GADL1: variants seen among roughly 807,000 people sequenced by gnomAD.
GADL1 encodes the protein GAD like acidic amino acid decarboxylase 1.
In GADL1, 71 loss-of-function variants were observed where a neutral mutation model predicts 69.5. That is an observed-to-expected ratio of 1.02 (90% CI 0.84 to 1.25). The LOEUF is 1.25. Among genes scored for constraint, GADL1 ranks in the 50% most tolerant of loss-of-function variants. The pLI is 0.00. For missense variants in GADL1, 737 were observed against 631.8 expected (o/e 1.17, Z -1.79); for synonymous variants, 254 against 214.4 (o/e 1.18, Z -1.62).
At chr3:30,762,449 G>T (rs1466168870) in intron 14 of GADL1, among the ~76,000 whole-genome samples, 1 of 152,158 alleles carries the variant, frequency 6.6e-6, no homozygotes, top group African/African-American at 2.4e-5. Flanking sequence ...TTCAAAGTCA[G>T]ATTAGAAACT....
At chr3:30,877,111 A>G (rs1698586480) in intron 1 of GADL1, among the ~76,000 whole-genome samples, 1 of 151,976 alleles carries the variant, frequency 6.6e-6, no homozygotes, top group South Asian at 2.1e-4. Flanking sequence ...AAGTATACCC[A>G]GTTCTACAAA....
intron 14 of GADL1, among the ~76,000 whole-genome samples, chr3:30,774,896 G>A (rs538134645): frequency 1.3e-5 from 2 of 152,216 alleles, no homozygotes; most frequent in African/African-American, 2.4e-5. Context: ...AAGCAGAGAC[G>A]GAGGTAAAGA....
intron 13 of GADL1, among the ~76,000 whole-genome samples, chr3:30,781,022 A>G (rs1177686524): frequency 3.3e-5 from 5 of 152,194 alleles, no homozygotes; most frequent in Admixed American, 6.6e-5. Flanking sequence ...CTTAATTTTA[A>G]TTGCCTACAT....
intron 14 of GADL1, among the ~76,000 whole-genome samples, chr3:30,754,562 T>A (rs1695917870): frequency 6.6e-6 from 1 of 152,138 alleles, no homozygotes; most frequent in Non-Finnish European, 1.5e-5. Flanking sequence ...AAGAGTGTAT[T>A]ACCTCAATGG....
chr3:30,729,123 G>A (rs1217836025), intron 14 of GADL1, among the ~76,000 whole-genome samples: 2 of 152,144 alleles, frequency 1.3e-5, no homozygotes, highest in African/African-American at 2.4e-5. Flanking sequence ...TAGCTGACAT[G>A]AGAAGTACAG....
intron 2 of GADL1, 23 bp downstream of exon 2, chr3:30,861,570 T>C: frequency 6.6e-7 from 1 of 1,521,060 alleles, no homozygotes; most frequent in South Asian, 1.2e-5. Context: ...TTTCTGCAAT[T>C]TCTTACAGGT....
At chr3:30,872,525 A>AAGGC (rs1186283908) in intron 1 of GADL1, among the ~76,000 whole-genome samples, 1 of 151,900 alleles carries the variant, frequency 6.6e-6, no homozygotes, top group Non-Finnish European at 1.5e-5. Context: ...GAGTAAATAG[A>AAGGC]AGGCCTGTTT....
chr3:30,790,025 C>T (rs1266141016), intron 12 of GADL1, among the ~76,000 whole-genome samples: 1 of 152,202 alleles, frequency 6.6e-6, no homozygotes, highest in Non-Finnish European at 1.5e-5. Flanking sequence ...CATAACTTGG[C>T]TATTTGGCAA....
chr3:30,841,481 A>G, intron 8 of GADL1, among the ~76,000 whole-genome samples: 1 of 152,194 alleles, frequency 6.6e-6, no homozygotes. Flanking sequence ...GACACTAAAA[A>G]AAAATGGGGA....
rs773530741 is a variant in GADL1 at position 30,816,530 on chromosome 3, C to CTTTTTTTTTTTTTT, written c.1051-15456_1051-15443dup. 3.0e-3 allele frequency among the ~76,000 whole-genome samples: 160 copies of CTTTTTTTTTTTTTT among 53,986 alleles called. 54 individuals carry two copies. Among genetic ancestry groups the CTTTTTTTTTTTTTT allele is most frequent in the Non-Finnish European group, 5.2e-3 (131 of 25,434 alleles). 35.4% of individuals were successfully genotyped at this position (53,986 alleles called of 152,430 possible). On this transcript the variant is annotated intron_variant, in intron 11 of 14. Transcript: ENST00000282538. ...AGACCATATATTCTTAATTTGTTTT[C>CTTTTTTTTTTTTTT]TTTTTTTTTTTTTTTTTTTTTTTTT...
At chr3:30,816,629 T>C (rs1448146790) in intron 11 of GADL1, among the ~76,000 whole-genome samples, 6 of 131,258 alleles carry the variant, frequency 4.6e-5, no homozygotes, top group African/African-American at 8.4e-5. Flanking sequence ...CACTGCAACC[T>C]CCGCCTCCCA....
At chr3:30,854,861 A>C in intron 3 of GADL1, 72 bp from the exon 4 acceptor site, 8 of 745,806 alleles carry the variant, frequency 1.1e-5, no homozygotes, top group Non-Finnish European at 1.8e-5. Flanking sequence ...CATTAACATA[A>C]ATGAATCTTT....
At position 30,854,611 on chromosome 3, in the gene GADL1, A is replaced by G. The variant is rs915078223; in HGVS notation, c.428+88T>C. 5.1e-6 allele frequency: 4 copies of G among 783,460 alleles called. No homozygotes were observed. In the African/African-American group the frequency reaches 5.3e-5, roughly 10 times the overall value. 48.5% of individuals were successfully genotyped at this position (783,460 alleles called of 1,614,324 possible). A position where few individuals can be genotyped will look rare whatever the true frequency, so the allele number is the denominator to read the frequency against. ...GCGATGGCACTATGCAAAAGAAACC[A>G]TTAAATAGAGATTTTTGAAATAAAA... On this transcript the variant is annotated intron_variant, in intron 4 of 14. Coordinates refer to ENST00000282538, the MANE Select transcript of GADL1 (RefSeq NM_207359.3).
chr3:30,805,734 CTTTTTTTT>C lies in GADL1; in HGVS notation c.1051-4654_1051-4647del, dbSNP rs34788058. Among the ~76,000 whole-genome samples, 14 of 66,094 alleles carry C rather than the reference CTTTTTTTT, an allele frequency of 2.1e-4. No individual in the cohort carries two copies. The East Asian group carries it at 2.8e-3, about 13-fold the overall frequency. The allele number at this position is 66,094 out of a possible 152,430, so 43.4% of individuals were successfully genotyped here. ...ATTCTGTGCACCAGCAGTCCCCAGC[CTTTTTTTT>C]TTTTTTTTTTTTTTTTGGGCACCAG... On this transcript the variant is annotated intron_variant, in intron 11 of 14. Coordinates refer to ENST00000282538, the MANE Select transcript of GADL1 (RefSeq NM_207359.3).
At chr3:30,777,937 T>C (rs1696574053) in intron 14 of GADL1, among the ~76,000 whole-genome samples, 1 of 152,220 alleles carries the variant, frequency 6.6e-6, no homozygotes, top group African/African-American at 2.4e-5. Context: ...TGAAGTACAC[T>C]GTGAGCCAGA....
intron 11 of GADL1, among the ~76,000 whole-genome samples, chr3:30,816,699 C>T (rs1243275511): frequency 1.3e-5 from 2 of 151,736 alleles, no homozygotes; most frequent in Non-Finnish European, 2.9e-5. Flanking sequence ...GCGCATGCCA[C>T]CATCCCTGGC....
rs568768985 is a variant in GADL1 at position 30,754,978 on chromosome 3, C to CGG, written c.1392+23199_1392+23200dup. ...CTTTCACTGAGGAAGCAGACCAAAA[C>CGG]GGGGGAGCACTTTAGCATTTTCAGC... is the stretch of plus-strand genomic sequence containing the variant. On this transcript the variant is annotated intron_variant, in intron 14 of 14. Coordinates refer to ENST00000282538, the MANE Select transcript of GADL1 (RefSeq NM_207359.3). 5.3e-5 allele frequency among the ~76,000 whole-genome samples: 8 copies of CGG among 151,920 alleles called. No homozygotes were observed. In the South Asian group the frequency reaches 1.7e-3, roughly 32 times the overall value.
At chr3:30,884,886 A>G (rs2125546143) in intron 1 of GADL1, among the ~76,000 whole-genome samples, 1 of 152,096 alleles carries the variant, frequency 6.6e-6, no homozygotes, top group African/African-American at 2.4e-5. Context: ...AAACCCTAGG[A>G]GGTAAGCAGT....
rs1293891515 is a variant in GADL1 at position 30,861,695 on chromosome 3, A to G, written c.108T>C (p.Asn36=). Residue 36 remains asparagine, a synonymous_variant, in exon 2 of 15, where the codon AAT becomes AAC. Transcript: ENST00000282538. ...CAGCTTTTGCATCTGTTGTAGGACC[A>G]TTCAGCACAACCCCATCCACAAGAA... ...NAVLVDGVVL[N]GPTTDAKAGE... The G allele has an allele frequency of 4.5e-6, 7 of 1,549,836 alleles. No individual in the cohort carries two copies. Among genetic ancestry groups the G allele is most frequent in the Non-Finnish European group, 6.1e-6 (7 of 1,145,384 alleles).
Sources: gnomAD v4.1 joint callset for allele counts (sites outside exome capture counted in the v4.1 genomes callset) on GRCh38, gnomAD v4.1.1 for gene constraint, MANE v1.5 for transcripts, NCBI Gene and HGNC (gene_info 2026-07-23, HGNC 2026-07-21) for gene names.